Variants in PARP14 observed in about 807,000 individuals in gnomAD.
PARP14 encodes the protein protein mono-ADP-ribosyltransferase PARP14.
PARP14 carries 59 observed loss-of-function variants against 154.2 expected under a neutral mutation model. The observed-to-expected ratio is 0.38, with a 90% CI of 0.31 to 0.48. The LOEUF (loss-of-function observed/expected upper bound fraction) is 0.48, where lower values mean the gene tolerates loss of function less well. Ranked by LOEUF, PARP14 falls within the 20% of genes least tolerant of loss-of-function variation. PARP14 has a pLI of 0.98. For synonymous variants in PARP14, 720 were observed against 780.5 expected, an observed-to-expected ratio of 0.92 and a Z score of 1.29; for missense variants, 1,734 against 2,131.6, an observed-to-expected ratio of 0.81 and a Z score of 3.67.
At position 122,681,599 on chromosome 3, in the gene PARP14, G is replaced by T. The variant is rs1938212331; in HGVS notation, c.187+529G>T. On this transcript the variant is annotated intron_variant, in intron 1 of 16. Coordinates refer to ENST00000474629, the MANE Select transcript of PARP14 (RefSeq NM_017554.3). This position sits in a 1 kb window ranked among gnomAD's most constrained non-coding sequence, Gnocchi z 5.5. ...ACTGCCTGAATGTCAACGTAGAGCC[G>T]TCACAGCGGCCACATTGGAGGGGCT... 6.6e-6 allele frequency among the ~76,000 whole-genome samples: 1 copy of T among 152,188 alleles called. No homozygotes were observed. The highest frequency in any genetic ancestry group is 1.5e-5 in the Non-Finnish European group (1 of 68,036).
intron 14 of PARP14, among the ~76,000 whole-genome samples, chr3:122,719,876 C>T (rs1933114946): frequency 6.6e-6 from 1 of 152,178 alleles, no homozygotes. Flanking sequence ...ACAGCAACTA[C>T]TTAGAACACT....
intron 9 of PARP14, among the ~76,000 whole-genome samples, chr3:122,708,757 T>C (rs1296041438): frequency 6.6e-6 from 1 of 152,166 alleles, no homozygotes; most frequent in Admixed American, 6.6e-5. Flanking sequence ...TGTTTTCCAA[T>C]ACTGTGGTGC....
Position 122,687,130 on chromosome 3 carries a change from G to C in PARP14, c.355+17G>C, listed in dbSNP as rs769063739. 5 of 1,576,802 alleles carry C rather than the reference G, an allele frequency of 3.2e-6. No individual in the cohort carries two copies. The South Asian group carries it at 5.7e-5, about 18-fold the overall frequency. On this transcript the variant is annotated intron_variant, in intron 3 of 16. Transcript: ENST00000474629. ...AAGAACCAGGTAAAATCTCAGTTGA[G>C]ATGACTCTGACATTCACCAAGCTGT...
At chr3:122,712,773 G>A (rs1020335650) in intron 9 of PARP14, among the ~76,000 whole-genome samples, 18 of 151,848 alleles carry the variant, frequency 1.2e-4, no homozygotes, top group South Asian at 6.3e-4. Context: ...GGCTGATCTC[G>A]AACTCCTGGA....
Position 122,718,462 on chromosome 3 carries a change from G to A in PARP14, c.4311G>A (p.Thr1437=), listed in dbSNP as rs368878597. ...TTCGGGTGTGTGGTGAAAATGTCAC[G>A]TGTGTGGAATATGCTATCTCCTGGC... The part of the protein sequence containing the change: ...ATFRVCGENV[T]CVEYAISWLQ... The change falls in exon 14 of 17, where the codon ACG becomes ACA. Residue 1437 remains threonine, a synonymous_variant. Coordinates refer to ENST00000474629, the MANE Select transcript of PARP14 (RefSeq NM_017554.3). The A allele has an allele frequency of 1.7e-5, 27 of 1,613,832 alleles. No homozygotes were observed. The highest frequency in any genetic ancestry group is 1.6e-4 in the Middle Eastern group (1 of 6,084).
Position 122,700,204 on chromosome 3 carries a change from C to T in PARP14, c.1650C>T (p.Asn550=), listed in dbSNP as rs1479089991. 6.2e-7 allele frequency: 1 copy of T among 1,611,872 alleles called. No individual in the cohort carries two copies. Residue 550 remains asparagine, a synonymous_variant, in exon 6 of 17, where the codon AAC becomes AAT. Transcript: ENST00000474629. The part of the protein sequence containing the change: ...PEIFQFLQQV[N]WKEFSKCLFI... ...TTTTTCAGTTTTTGCAACAGGTAAA[C>T]TGGAAAGAATTCTCTAAGTGTCTTT...
At position 122,700,843 on chromosome 3, in the gene PARP14, T is replaced by G; in HGVS notation, c.2289T>G (p.Ser763Arg). Residue 763 changes from serine (S) to arginine (R), a missense_variant, in exon 6 of 17, where the codon AGT becomes AGG. Coordinates refer to ENST00000474629, the MANE Select transcript of PARP14 (RefSeq NM_017554.3). ...FFQDKARFYQ[S>R]EIKRLFGCYI... The stretch of plus-strand genomic sequence containing the variant: ...AGGATAAAGCACGGTTTTATCAAAG[T>G]GAGATCAAACGGTTGTTTGGTTGTT... 1 of 1,613,924 alleles carries G rather than the reference T, an allele frequency of 6.2e-7. No homozygotes were observed. The highest frequency in any genetic ancestry group is 2.2e-5 in the East Asian group (1 of 44,886).
intron 9 of PARP14, among the ~76,000 whole-genome samples, chr3:122,708,505 A>G (rs1404180678): frequency 2.6e-5 from 4 of 152,244 alleles, no homozygotes; most frequent in Admixed American, 2.6e-4. Flanking sequence ...AAGTAATGAC[A>G]AGACTACCAT....
intron 12 of PARP14, 139 bp from the exon 13 acceptor site, chr3:122,717,932 T>C (rs1933039046): frequency 5.8e-6 from 4 of 689,352 alleles, no homozygotes; most frequent in Admixed American, 2.7e-5. Context: ...TTGCTGATGC[T>C]TTGTTAGAAA....
chr3:122,695,549 A>G lies in PARP14; in HGVS notation c.722A>G (p.Asp241Gly). ...RVENLPPGADDYSLKLFFENP... is the reference protein window; with the variant it reads ...RVENLPPGADGYSLKLFFENP... ...GAAAACCTGCCACCTGGTGCTGATG[A>G]CTACAGTTTAAAACTTTTCTTTGAA... Residue 241 changes from aspartate (D) to glycine (G), a missense_variant, in exon 5 of 17, where the codon GAC (aspartate) becomes GGC (glycine). By Grantham distance (94) the Asp-to-Gly change is moderately conservative. Coordinates refer to ENST00000474629, the MANE Select transcript of PARP14 (RefSeq NM_017554.3). The G allele has an allele frequency of 1.2e-6, 2 of 1,608,310 alleles. No homozygotes were observed. The highest frequency in any genetic ancestry group is 1.7e-6 in the Non-Finnish European group (2 of 1,175,210).
intron 1 of PARP14, among the ~76,000 whole-genome samples, chr3:122,683,586 TCTC>T (rs1324415558): frequency 1.3e-5 from 2 of 152,198 alleles, no homozygotes; most frequent in East Asian, 3.8e-4. Flanking sequence ...GAACCCATCT[TCTC>T]CTTAAATAAA....
At chr3:122,716,720 T>A (rs2107652716) in intron 12 of PARP14, among the ~76,000 whole-genome samples, 1 of 152,270 alleles carries the variant, frequency 6.6e-6, no homozygotes, top group East Asian at 1.9e-4. Context: ...TATTACAGCG[T>A]CCTAACTAGA....
intron 4 of PARP14, among the ~76,000 whole-genome samples, chr3:122,694,574 G>T (rs758499622): frequency 6.6e-6 from 1 of 151,994 alleles, no homozygotes; most frequent in African/African-American, 2.4e-5. Context: ...TTGCTCTGTC[G>T]CCCAGGCTGG....
At position 122,714,252 on chromosome 3, in the gene PARP14, T is replaced by C; in HGVS notation, c.3833-10T>C. The C allele has an allele frequency of 6.3e-7, 1 of 1,586,506 alleles. No individual in the cohort carries two copies. The highest frequency in any genetic ancestry group is 8.5e-7 in the Non-Finnish European group (1 of 1,171,674). On this transcript the variant is annotated splice_polypyrimidine_tract_variant and intron_variant, in intron 11 of 16. Transcript: ENST00000474629. ...TACTAATTTTGCATCTTTTTGTCTG[T>C]GTTTCCCAGCTCAGCAGCGCAAAAA...
At chr3:122,683,694 A>G (rs1938284800) in intron 1 of PARP14, among the ~76,000 whole-genome samples, 1 of 152,174 alleles carries the variant, frequency 6.6e-6, no homozygotes, top group African/African-American at 2.4e-5. Flanking sequence ...TTCCTCCCAG[A>G]TTGACTTTCT....
chr3:122,699,428 A>G lies in PARP14; in HGVS notation c.874A>G (p.Lys292Glu). ...CATGGCCACAAAACTCGACTTCAAT[A>G]AAATGCCACTTTCTGTGTTCCCATA... ...TIMATKLDFN[K>E]MPLSVFPYYA... Residue 292 changes from lysine (K) to glutamate (E), a missense_variant, in exon 6 of 17, where the codon AAA (lysine) becomes GAA (glutamate). Around this residue, in one of 2 missense-constraint regions of PARP14, gnomAD observed 1,646 missense variants for 1,976.0 expected, o/e 0.83. Coordinates refer to ENST00000474629, the MANE Select transcript of PARP14 (RefSeq NM_017554.3). The G allele has an allele frequency of 6.2e-7, 1 of 1,611,464 alleles. No homozygotes were observed. Among genetic ancestry groups the G allele is most frequent in the East Asian group, 2.2e-5 (1 of 44,856 alleles).
At chr3:122,725,794 T>A (rs1251888663) in intron 15 of PARP14, among the ~76,000 whole-genome samples, 1 of 152,230 alleles carries the variant, frequency 6.6e-6, no homozygotes, top group Non-Finnish European at 1.5e-5. Flanking sequence ...CTTACTGATA[T>A]GTTTGGGTTT....
chr3:122,728,074 C>G, intron 16 of PARP14, 88 bp downstream of exon 16: 1 of 1,210,864 alleles, frequency 8.3e-7, no homozygotes, highest in Admixed American at 2.4e-5. Context: ...TCATTGTGGT[C>G]CCCCATCATT....
chr3:122,721,311 G>A (rs1933161376), intron 15 of PARP14: 2 of 178,264 alleles, frequency 1.1e-5, no homozygotes, highest in African/African-American at 2.4e-5. Context: ...ACTTGAGGCT[G>A]GGCACAGTGG....
Sources: allele counts gnomAD v4.1 joint callset (sites outside exome capture counted in the v4.1 genomes callset), GRCh38; gene constraint gnomAD v4.1.1; regional missense constraint gnomAD v4.1.1; non-coding constraint Gnocchi (gnomAD v3.1); transcripts MANE v1.5; gene names NCBI Gene and HGNC (gene_info 2026-07-23, HGNC 2026-07-21).